Variants in RBM33 observed in about 807,000 individuals in gnomAD.
RBM33 encodes RNA binding motif protein 33.
In RBM33, 28 loss-of-function variants were observed where a neutral mutation model predicts 132.6. That is an observed-to-expected ratio of 0.21 (90% CI 0.16 to 0.29). The LOEUF (loss-of-function observed/expected upper bound fraction) is 0.29, where lower values mean the gene tolerates loss of function less well. Among genes scored for constraint, RBM33 ranks in the 10% least tolerant of loss-of-function variants. The pLI is 1.00. For missense variants in RBM33, 1,291 were observed against 1,518.5 expected, an observed-to-expected ratio of 0.85 and a Z score of 2.49; for synonymous variants, 634 against 593.0, an observed-to-expected ratio of 1.07 and a Z score of -1.01.
At chr7:155,661,127 T>TAC (rs1798633595) in intron 1 of RBM33, among the ~76,000 whole-genome samples, 1 of 57,518 alleles carries the variant, frequency 1.7e-5, no homozygotes, top group East Asian at 4.2e-4. Context: ...TGTGTGTGTG[T>TAC]GTGTATATAT....
chr7:155,773,931 C>G (rs1802522203), intron 16 of RBM33, among the ~76,000 whole-genome samples: 1 of 152,260 alleles, frequency 6.6e-6, no homozygotes, highest in Admixed American at 6.5e-5. Flanking sequence ...TTCTTTTTCA[C>G]TGGCATTGTT....
chr7:155,694,209 TTAAC>T (rs557728633), intron 5 of RBM33, among the ~76,000 whole-genome samples: 41 of 152,242 alleles, frequency 2.7e-4, no homozygotes, highest in Non-Finnish European at 4.9e-4. Flanking sequence ...CTCCTTTTAT[TTAAC>T]TAATGTTCTT....
intron 5 of RBM33, among the ~76,000 whole-genome samples, chr7:155,687,518 T>C (rs562873377): frequency 2.6e-5 from 4 of 152,326 alleles, no homozygotes; most frequent in African/African-American, 9.6e-5. Flanking sequence ...TTGTTGCCAT[T>C]GCTTTTGGTG....
intron 3 of RBM33, 85 bp downstream of exon 3, chr7:155,673,000 T>C: frequency 1.1e-6 from 1 of 880,672 alleles, no homozygotes. Context: ...TACATGGGTT[T>C]CATTACTGGA....
chr7:155,652,055 A>T (rs1798369624), intron 1 of RBM33, among the ~76,000 whole-genome samples: 1 of 152,214 alleles, frequency 6.6e-6, no homozygotes, highest in Non-Finnish European at 1.5e-5. Context: ...AAGTTATTGG[A>T]CATTACCTGA....
intron 5 of RBM33, among the ~76,000 whole-genome samples, chr7:155,696,799 C>G (rs534992233): frequency 6.6e-6 from 1 of 152,202 alleles, no homozygotes; most frequent in Admixed American, 6.5e-5. Context: ...CCATCGTTGT[C>G]TCTCCATTCC....
At chr7:155,704,295 G>A (rs939999633) in intron 6 of RBM33, among the ~76,000 whole-genome samples, 15 of 152,082 alleles carry the variant, frequency 9.9e-5, no homozygotes, top group Admixed American at 5.2e-4. Context: ...TCAGGATTGT[G>A]GAAATTAAAC....
Position 155,763,928 on chromosome 7 carries a change from G to T in RBM33, c.3096G>T (p.Gln1032His). The T allele has an allele frequency of 6.2e-7, 1 of 1,604,794 alleles. No individual in the cohort carries two copies. The highest frequency in any genetic ancestry group is 1.3e-5 in the African/African-American group (1 of 74,906). ...TGACGCTGACCAGGGGGGGCCTCCA[G>T]CAGCCCCCACATCTGCCAGCGGGGC... ...RKVTLTRGGL[Q>H]QPPHLPAGPH... is the part of the protein sequence containing the mutation. The change falls in exon 15 of 18, where the codon CAG becomes CAT. Residue 1032 changes from glutamine to histidine, a missense_variant. This residue lies in a region of RBM33 where 841 missense variants were observed against 912.0 expected (regional missense o/e 0.92). Transcript: ENST00000401878.
At chr7:155,728,101 C>T (rs1012078213) in intron 9 of RBM33, among the ~76,000 whole-genome samples, 2 of 152,166 alleles carry the variant, frequency 1.3e-5, no homozygotes, top group Non-Finnish European at 2.9e-5. Context: ...GTATATTTCA[C>T]GGATCAGTCA....
At chr7:155,666,122 A>G (rs191359317) in intron 2 of RBM33, among the ~76,000 whole-genome samples, 39 of 152,362 alleles carry the variant, frequency 2.6e-4, no homozygotes, top group Admixed American at 2.2e-3. Flanking sequence ...GAATATATGT[A>G]GAAAGATTCA....
At chr7:155,764,871 C>T (rs114714851) in intron 15 of RBM33, among the ~76,000 whole-genome samples, 2,673 of 152,344 alleles carry the variant, frequency 0.018, 73 homozygotes, top group African/African-American at 0.061. Context: ...TTTTGAAGTA[C>T]TTAAGTTACT....
At chr7:155,709,762 G>C (rs1455036169) in intron 7 of RBM33, among the ~76,000 whole-genome samples, 2 of 152,204 alleles carry the variant, frequency 1.3e-5, no homozygotes, top group Non-Finnish European at 2.9e-5. Flanking sequence ...GGGCAAATGT[G>C]CACAGATGTG....
At chr7:155,766,368 T>C (rs983962980) in intron 15 of RBM33, 99 bp from the exon 16 acceptor site, 1 of 1,339,952 alleles carries the variant, frequency 7.5e-7, no homozygotes, top group African/African-American at 1.5e-5. Flanking sequence ...CATGGTATAT[T>C]TTAATGGATT....
At chr7:155,646,104 C>T (rs2116857148) in intron 1 of RBM33, among the ~76,000 whole-genome samples, 1 of 152,200 alleles carries the variant, frequency 6.6e-6, no homozygotes. Context: ...CCCAGTGTAA[C>T]CTGGGAACTC....
At chr7:155,741,159 T>C (rs1801319301) in intron 12 of RBM33, among the ~76,000 whole-genome samples, 1 of 152,134 alleles carries the variant, frequency 6.6e-6, no homozygotes. Context: ...GGTAGGCTAG[T>C]CTCATGACCC....
At chr7:155,731,763 G>C (rs1233372387) in intron 9 of RBM33, among the ~76,000 whole-genome samples, 1 of 152,160 alleles carries the variant, frequency 6.6e-6, no homozygotes, top group Non-Finnish European at 1.5e-5. Flanking sequence ...AAGTGAAACT[G>C]TGGATAAGTG....
intron 5 of RBM33, among the ~76,000 whole-genome samples, chr7:155,693,269 C>G (rs1013719918): frequency 2.0e-5 from 3 of 151,924 alleles, no homozygotes; most frequent in Non-Finnish European, 4.4e-5. Flanking sequence ...TAAACGCCGA[C>G]CCTTGAATTT....
At chr7:155,652,298 C>A (rs151166837) in intron 1 of RBM33, among the ~76,000 whole-genome samples, 1 of 152,128 alleles carries the variant, frequency 6.6e-6, no homozygotes, top group Non-Finnish European at 1.5e-5. Context: ...TGCTGAACTC[C>A]GCCGTTTACC....
chr7:155,656,425 C>CT (rs1228039348), intron 1 of RBM33, among the ~76,000 whole-genome samples: 1 of 152,160 alleles, frequency 6.6e-6, no homozygotes. Context: ...TGCAGCCAGT[C>CT]TTTAAGAAGT....
Sources: allele counts gnomAD v4.1 joint callset (sites outside exome capture counted in the v4.1 genomes callset), GRCh38; gene constraint gnomAD v4.1.1; regional missense constraint gnomAD v4.1.1; transcripts MANE v1.5; gene names NCBI Gene and HGNC (gene_info 2026-07-23, HGNC 2026-07-21).